Variants in ELOC observed in about 807,000 individuals in gnomAD.
The protein encoded by ELOC is elongin-C.
For missense variants in ELOC, 38 were observed against 139.0 expected (o/e 0.27, Z 3.65); for synonymous variants, 40 against 51.3 (o/e 0.78, Z 0.94).
chr8:73,952,267 G>A (rs1264559365), intron 3 of ELOC, among the ~76,000 whole-genome samples: 1 of 151,968 alleles, frequency 6.6e-6, no homozygotes, highest in African/African-American at 2.4e-5. Flanking sequence ...AGCCAGGTGT[G>A]GTGGTGGGCA....
At chr8:73,971,920 TA>T (rs1282136718) in intron 1 of ELOC, 156 bp downstream of exon 1, 1 of 151,964 alleles carries the variant, frequency 6.6e-6, no homozygotes, top group Non-Finnish European at 1.5e-5. Context: ...TCCCCCAAAC[TA>T]GGGGCTGGGG....
chr8:73,964,883 T>C (rs1167332506), intron 1 of ELOC, among the ~76,000 whole-genome samples: 1 of 151,758 alleles, frequency 6.6e-6, no homozygotes, highest in Non-Finnish European at 1.5e-5. Flanking sequence ...AAAAATTAGC[T>C]GGGCATGGTG....
Position 73,952,654 on chromosome 8 carries a change from G to A in ELOC, c.148+3257C>T, listed in dbSNP as rs538906979. 9.9e-5 allele frequency among the ~76,000 whole-genome samples: 15 copies of A among 150,998 alleles called. No individual in the cohort carries two copies. In the East Asian group the frequency reaches 2.8e-3, roughly 28 times the overall value. ...AAATTAGCTGGGTGTGGTGGCGGGCGCCTGTGGTCCCAGCTACTCGGGAGG... is the reference window on the plus strand; with the variant it reads ...AAATTAGCTGGGTGTGGTGGCGGGCACCTGTGGTCCCAGCTACTCGGGAGG... On this transcript the variant is annotated intron_variant, in intron 3 of 3. Coordinates refer to ENST00000520242, the MANE Select transcript of ELOC (RefSeq NM_005648.4).
intron 2 of ELOC, among the ~76,000 whole-genome samples, chr8:73,956,616 C>T (rs1186038757): frequency 2.0e-5 from 3 of 151,692 alleles, no homozygotes; most frequent in Non-Finnish European, 4.4e-5. Flanking sequence ...GAGGTGTTAA[C>T]AGTTGTTTTG....
chr8:73,949,924 T>C (rs1813632712), intron 3 of ELOC, among the ~76,000 whole-genome samples: 1 of 152,304 alleles, frequency 6.6e-6, no homozygotes, highest in South Asian at 2.1e-4. Context: ...CCCCTTAAAG[T>C]ACTTCCTTGC....
At position 73,971,043 on chromosome 8, in the gene ELOC, A is replaced by AAAAAAAAAAG. The variant is rs1815352965; in HGVS notation, c.-51+1033_-51+1034insCTTTTTTTTT. ...GCGAGACTCCGTCTCAAAAAAAAAA[A>AAAAAAAAAAG]AAAAAAAAGAAAAAGAAAAAAAGCA... On this transcript the variant is annotated intron_variant, in intron 1 of 3. Coordinates refer to ENST00000520242, the MANE Select transcript of ELOC (RefSeq NM_005648.4). Among the ~76,000 whole-genome samples the AAAAAAAAAAG allele has an allele frequency of 1.3e-5, 2 of 150,862 alleles. 1 individual carries two copies. Among genetic ancestry groups the AAAAAAAAAAG allele is most frequent in the African/African-American group, 4.9e-5 (2 of 41,168 alleles).
intron 3 of ELOC, among the ~76,000 whole-genome samples, chr8:73,954,195 G>C (rs1813979446): frequency 1.3e-5 from 2 of 152,196 alleles, no homozygotes; most frequent in South Asian, 4.1e-4. Context: ...GGAAGGGATA[G>C]TGACAGCTAA....
At chr8:73,967,200 G>A (rs1391996562) in intron 1 of ELOC, among the ~76,000 whole-genome samples, 1 of 152,102 alleles carries the variant, frequency 6.6e-6, no homozygotes, top group East Asian at 1.9e-4. Context: ...ATGCTTGGGA[G>A]GAATCTGTGG....
rs143132422 is a variant in ELOC, at chr8:73,957,763, T to C, written c.5-1709A>G. Among the ~76,000 whole-genome samples, 449 of 152,206 alleles carry C rather than the reference T, an allele frequency of 2.9e-3. 2 individuals carry two copies. Among genetic ancestry groups the C allele is most frequent in the African/African-American group, 9.5e-3 (393 of 41,546 alleles). On this transcript the variant is annotated intron_variant, in intron 2 of 3. Coordinates refer to ENST00000520242, the MANE Select transcript of ELOC (RefSeq NM_005648.4). Reference sequence around the variant, plus strand: ...TTTAAAATTTTTATCCATCCATCCATCCACCCACCCAACTATTTGTTTATT... The same window carrying C: ...TTTAAAATTTTTATCCATCCATCCACCCACCCACCCAACTATTTGTTTATT...
chr8:73,952,951 G>A (rs918410691), intron 3 of ELOC, among the ~76,000 whole-genome samples: 24 of 152,038 alleles, frequency 1.6e-4, no homozygotes, highest in Admixed American at 2.6e-4. Flanking sequence ...ATACAAAAAT[G>A]TCTAGGAAGT....
intron 3 of ELOC, among the ~76,000 whole-genome samples, chr8:73,954,846 A>C (rs1586600694): frequency 6.6e-6 from 1 of 151,478 alleles, no homozygotes; most frequent in South Asian, 2.1e-4. Flanking sequence ...AGTCCGACCA[A>C]TATGGTGAAA....
At chr8:73,957,217 T>C (rs948706360) in intron 2 of ELOC, among the ~76,000 whole-genome samples, 1 of 150,796 alleles carries the variant, frequency 6.6e-6, no homozygotes, top group African/African-American at 2.4e-5. Context: ...TCGGTTTAAA[T>C]GCATGCATTA....
At chr8:73,947,764 A>G (rs1813476437) in intron 3 of ELOC, among the ~76,000 whole-genome samples, 1 of 152,002 alleles carries the variant, frequency 6.6e-6, no homozygotes, top group East Asian at 1.9e-4. Context: ...TTGTAGAGAC[A>G]GAGTTTTGCC....
At chr8:73,967,849 G>A (rs757770864) in intron 1 of ELOC, among the ~76,000 whole-genome samples, 2 of 152,198 alleles carry the variant, frequency 1.3e-5, no homozygotes, top group Non-Finnish European at 2.9e-5. Context: ...TTCTTAGCTT[G>A]CGGGTAGTAT....
At chr8:73,950,597 TC>T (rs1425590215) in intron 3 of ELOC, among the ~76,000 whole-genome samples, 1 of 152,146 alleles carries the variant, frequency 6.6e-6, no homozygotes. Flanking sequence ...GAATGCTAAA[TC>T]ATAGTGGGGA....
At chr8:73,953,847 C>G (rs549096927) in intron 3 of ELOC, among the ~76,000 whole-genome samples, 4 of 151,790 alleles carry the variant, frequency 2.6e-5, no homozygotes, top group African/African-American at 9.7e-5. Context: ...AAGAAGACAC[C>G]CAAAAGAACT....
At chr8:73,959,958 A>G in intron 1 of ELOC, 140 bp from the exon 2 acceptor site, 1 of 421,616 alleles carries the variant, frequency 2.4e-6, no homozygotes, top group African/African-American at 2.0e-5. Context: ...CCTACAACAA[A>G]AACACTGTAC....
chr8:73,951,253 T>C (rs762213980), intron 3 of ELOC, among the ~76,000 whole-genome samples: 67 of 151,952 alleles, frequency 4.4e-4, no homozygotes, highest in African/African-American at 1.3e-3. Context: ...GCCTGTGAGA[T>C]AGAGCGAAAG....
chr8:73,966,488 CTTTT>C (rs35152858), intron 1 of ELOC, among the ~76,000 whole-genome samples: 6 of 142,174 alleles, frequency 4.2e-5, no homozygotes, highest in East Asian at 4.1e-4. Flanking sequence ...AGCCATGGGT[CTTTT>C]TTTTTTTTTT....
Sources: gnomAD v4.1 joint callset for allele counts (sites outside exome capture counted in the v4.1 genomes callset) on GRCh38, gnomAD v4.1.1 for gene constraint, MANE v1.5 for transcripts, NCBI Gene and HGNC (gene_info 2026-07-23, HGNC 2026-07-21) for gene names.